Variants in COL6A3 observed in about 807,000 individuals in gnomAD.
COL6A3 encodes the protein collagen type VI alpha 3 chain, also known as collagen alpha-3(VI) chain.
Under a neutral mutation model 274.1 loss-of-function variants are expected in COL6A3, and 137 were observed. The ratio of observed to expected loss-of-function variants is 0.50; its 90% CI spans 0.44 to 0.58. The LOEUF (loss-of-function observed/expected upper bound fraction) is 0.58. Among genes scored for constraint, COL6A3 ranks in the 20% least tolerant of loss-of-function variants. The probability of loss-of-function intolerance (pLI) is 0.00; values close to 1 mark genes in which losing one functional copy is unlikely to be tolerated. For missense variants in COL6A3, 3,950 were observed against 4,124.9 expected (o/e 0.96, Z 1.16); for synonymous variants, 1,650 against 1,650.6 (o/e 1.00, Z 0.01).
At position 237,378,885 on chromosome 2, in the gene COL6A3, GC is replaced by G; in HGVS notation, c.2247del (p.Leu750SerfsTer17). The G allele has an allele frequency of 6.2e-7, 1 of 1,614,248 alleles. No homozygotes were observed. The highest frequency in any genetic ancestry group is 8.5e-7 in the Non-Finnish European group (1 of 1,180,042). The part of the protein sequence containing the change: ...IREHVPQLLL[L>X]LTAGQSEDSY... ...GAGTCCTCAGACTGCCCAGCTGTGAGCAGAAGCAGGAGCTGCGGCACGTGTT... is the reference window on the plus strand; with the variant it reads ...GAGTCCTCAGACTGCCCAGCTGTGAGAGAAGCAGGAGCTGCGGCACGTGTT... On this transcript the variant is annotated frameshift_variant, in exon 6 of 44. Coordinates refer to ENST00000295550, the MANE Select transcript of COL6A3 (RefSeq NM_004369.4). LOFTEE classifies it high-confidence loss of function.
Position 237,367,005 on chromosome 2 carries a change from C to T in COL6A3, c.5182G>A (p.Val1728Ile), listed in dbSNP as rs772640905. 8.1e-6 allele frequency: 13 copies of T among 1,614,098 alleles called. No individual in the cohort carries two copies. The highest frequency in any genetic ancestry group is 9.3e-6 in the Non-Finnish European group (11 of 1,180,046). The change falls in exon 11 of 44, where the codon GTA (valine) becomes ATA (isoleucine). Residue 1728 changes from valine (V) to isoleucine (I), a missense_variant. This residue lies in a region of COL6A3 where 632 missense variants were observed against 623.4 expected (regional missense o/e 1.01). Coordinates refer to ENST00000295550, the MANE Select transcript of COL6A3 (RefSeq NM_004369.4). ...NTKVGLEHLR[V>I]NHFVPEAGSR... ...CCTGCCTCAGGCACAAAGTGGTTTA[C>T]CCGCAGGTGCTCAAGGCCCACCTTA...
intron 28 of COL6A3, 102 bp downstream of exon 28, chr2:237,350,045 C>G (rs75203227): frequency 9.0e-7 from 1 of 1,105,708 alleles, no homozygotes; most frequent in African/African-American, 1.5e-5. Context: ...CCCAATAATA[C>G]AAGAAGCAAG....
At chr2:237,403,055 T>A (rs1361498090) in intron 1 of COL6A3, among the ~76,000 whole-genome samples, 4 of 152,198 alleles carry the variant, frequency 2.6e-5, no homozygotes, top group African/African-American at 9.6e-5. Flanking sequence ...AGTGTCCAGA[T>A]GGACCACTTA....
chr2:237,366,438 G>A (rs1401483367), intron 11 of COL6A3, among the ~76,000 whole-genome samples: 1 of 152,144 alleles, frequency 6.6e-6, no homozygotes, highest in Non-Finnish European at 1.5e-5. Flanking sequence ...AATTGTTTGA[G>A]GGATTAAGGA....
At chr2:237,388,936 G>A (rs2078221177) in intron 3 of COL6A3, among the ~76,000 whole-genome samples, 1 of 152,032 alleles carries the variant, frequency 6.6e-6, no homozygotes, top group Non-Finnish European at 1.5e-5. Context: ...CATTTATTTT[G>A]TCATTGCCTC....
chr2:237,407,572 G>T lies in COL6A3; in HGVS notation c.-31+6381C>A, dbSNP rs1049560519. On this transcript the variant is annotated intron_variant, in intron 1 of 43. Transcript: ENST00000295550. This position sits in a 1 kb window ranked among gnomAD's most constrained non-coding sequence, Gnocchi z 4.3. ...CGACCTGCAGCCAGGCTTAGGCCAA[G>T]CTCCTCAGAGGTGGGTCTCCTTCCC... Among the ~76,000 whole-genome samples, 2 of 152,234 alleles carry T rather than the reference G, an allele frequency of 1.3e-5. No homozygotes were observed. The highest frequency in any genetic ancestry group is 3.8e-4 in the East Asian group (2 of 5,198).
At chr2:237,362,883 T>C in intron 14 of COL6A3, among the ~76,000 whole-genome samples, 1 of 152,186 alleles carries the variant, frequency 6.6e-6, no homozygotes, top group East Asian at 1.9e-4. Context: ...GTTTTTATCA[T>C]GCAAGATTTC....
At chr2:237,382,265 C>T (rs186373613) in intron 4 of COL6A3, among the ~76,000 whole-genome samples, 1 of 152,192 alleles carries the variant, frequency 6.6e-6, no homozygotes, top group Non-Finnish European at 1.5e-5. Flanking sequence ...CACCTGTAAT[C>T]CCAGCTACTC....
rs1359569386 is a variant in COL6A3 at position 237,381,421 on chromosome 2, A to G, written c.1391T>C (p.Ile464Thr). 6.2e-7 allele frequency: 1 copy of G among 1,613,080 alleles called. No individual in the cohort carries two copies. The highest frequency in any genetic ancestry group is 1.1e-5 in the South Asian group (1 of 91,084). ...GATGACTTTAGCAATGAAGTCTCGG[A>G]TGGCATTGAAGTTGGCCAGTCCCAG... ...SALGLANFNA[I>T]RDFIAKVIQR... Residue 464 changes from isoleucine (I) to threonine (T), a missense_variant, in exon 5 of 44, where the codon ATC becomes ACC. By Grantham distance (89) the Ile-to-Thr change is moderately conservative. Around this residue, in one of 5 missense-constraint regions of COL6A3, gnomAD observed 1,934 missense variants for 1,984.3 expected, o/e 0.97. Transcript: ENST00000295550.
chr2:237,340,944 A>T lies in COL6A3; in HGVS notation c.7972T>A (p.Ser2658Thr), dbSNP rs1486999363. The T allele has an allele frequency of 1.2e-6, 2 of 1,613,862 alleles. No individual in the cohort carries two copies. Among genetic ancestry groups the T allele is most frequent in the Non-Finnish European group, 1.7e-6 (2 of 1,179,768 alleles). ...ACTGCCACTCTGGCGAAGTGCTGGG[A>T]GGCCTTGGGATCTGGGCTCATGTCC... ...QLDMSPDPKA[S>T]QHFARVAVVQ... Residue 2658 changes from serine (S) to threonine (T), a missense_variant, in exon 38 of 44, where the codon TCC (serine) becomes ACC (threonine). By Grantham distance (58) the Ser-to-Thr change is moderately conservative. Around this residue, in one of 5 missense-constraint regions of COL6A3, gnomAD observed 1,284 missense variants for 1,349.7 expected, o/e 0.95. Transcript: ENST00000295550.
intron 30 of COL6A3, 109 bp from the exon 31 acceptor site, chr2:237,347,978 C>A (rs2077130276): frequency 2.0e-6 from 2 of 1,003,124 alleles, no homozygotes; most frequent in African/African-American, 3.2e-5. Context: ...TTTTCCCGGG[C>A]AGCCAAGTGG....
rs757423987 is a variant in COL6A3, at chr2:237,334,762, G to A, written c.9093C>T (p.Ser3031=). The change falls in exon 41 of 44, where the codon TCC becomes TCT. Residue 3031 remains serine (S), a synonymous_variant. Transcript: ENST00000295550. Reference sequence around the variant, plus strand: ...CCGTGAGGTTCTGCTTCAGAACCAGGGACTGATCATGGGCTGAGGTGACGG... The same window carrying A: ...CCGTGAGGTTCTGCTTCAGAACCAGAGACTGATCATGGGCTGAGGTGACGG... ...DLTVTSAHDQ[S]LVLKQNLTVT... The A allele has an allele frequency of 7.4e-6, 12 of 1,614,012 alleles. No individual in the cohort carries two copies. The highest frequency in any genetic ancestry group is 1.0e-5 in the Non-Finnish European group (12 of 1,180,040).
At chr2:237,411,664 G>A (rs544557036) in intron 1 of COL6A3, among the ~76,000 whole-genome samples, 1 of 152,284 alleles carries the variant, frequency 6.6e-6, no homozygotes, top group Admixed American at 6.5e-5. Context: ...AATCACAAAA[G>A]GCACTGATGA....
rs891130008 is a variant in COL6A3 at position 237,364,014 on chromosome 2, A to G, written c.5917+336T>C. The stretch of plus-strand genomic sequence containing the variant: ...CTGCAAACCAAAAATAGAGCAATGT[A>G]TTTTTATTAGTAACTAATTCCTAGT... On this transcript the variant is annotated intron_variant, in intron 13 of 43. Coordinates refer to ENST00000295550, the MANE Select transcript of COL6A3 (RefSeq NM_004369.4). The surrounding 1 kb of genome is among the most constrained non-coding windows in gnomAD (Gnocchi z 4.6). Among the ~76,000 whole-genome samples, 1 of 152,216 alleles carries G rather than the reference A, an allele frequency of 6.6e-6. No homozygotes were observed. The highest frequency in any genetic ancestry group is 2.4e-5 in the African/African-American group (1 of 41,462).
rs1223110287 is a variant in COL6A3, at chr2:237,357,803, G to A, written c.6537+14C>T. 1 of 1,613,592 alleles carries A rather than the reference G, an allele frequency of 6.2e-7. No individual in the cohort carries two copies. Among genetic ancestry groups the A allele is most frequent in the Non-Finnish European group, 8.5e-7 (1 of 1,179,582 alleles). On this transcript the variant is annotated intron_variant, in intron 22 of 43. Coordinates refer to ENST00000295550, the MANE Select transcript of COL6A3 (RefSeq NM_004369.4). Reference sequence around the variant, plus strand: ...CTCAGTACAGGGAGAGTCTAGGAATGTGCAGCACCTTACCATGGGGCCGAG... The same window carrying A: ...CTCAGTACAGGGAGAGTCTAGGAATATGCAGCACCTTACCATGGGGCCGAG...
chr2:237,401,950 G>T (rs1260128700), intron 1 of COL6A3, among the ~76,000 whole-genome samples: 1 of 152,096 alleles, frequency 6.6e-6, no homozygotes, highest in Non-Finnish European at 1.5e-5. Flanking sequence ...CTTCCTAAGT[G>T]CTGGGATTAC....
chr2:237,324,500 G>T lies in COL6A3; in HGVS notation c.*274C>A. The T allele has an allele frequency of 2.3e-6, 1 of 433,386 alleles. No individual in the cohort carries two copies. The allele number at this position is 433,386 out of a possible 1,614,324, so 26.8% of individuals were successfully genotyped here. On this transcript the variant is annotated 3_prime_UTR_variant, in exon 44 of 44. Coordinates refer to ENST00000295550, the MANE Select transcript of COL6A3 (RefSeq NM_004369.4). ...ACTCCAGAGGGAATTTGGATTGATA[G>T]GAATGTTCACATAAACACCAGCAGT...
chr2:237,397,154 A>AAGG (rs2078467581), intron 1 of COL6A3, among the ~76,000 whole-genome samples: 1 of 131,020 alleles, frequency 7.6e-6, no homozygotes, highest in African/African-American at 3.4e-5. Context: ...GGAAGGGAAG[A>AAGG]GAAGGGAAGG....
intron 23 of COL6A3, 46 bp downstream of exon 23, chr2:237,357,292 C>T (rs751550068): frequency 9.7e-6 from 15 of 1,544,186 alleles, no homozygotes; most frequent in Non-Finnish European, 1.3e-5. Flanking sequence ...GATCTTATGG[C>T]ACTAAGAATT....
Sources: gnomAD v4.1 joint callset for allele counts (sites outside exome capture counted in the v4.1 genomes callset) on GRCh38, gnomAD v4.1.1 for gene constraint, gnomAD v4.1.1 regional missense constraint, Gnocchi (gnomAD v3.1) non-coding constraint, MANE v1.5 for transcripts, NCBI Gene and HGNC (gene_info 2026-07-23, HGNC 2026-07-21) for gene names.